PCDHGB6: variants seen among roughly 807,000 people sequenced by gnomAD.
PCDHGB6 encodes the protein protocadherin gamma-B6.
Under a neutral mutation model 59.1 loss-of-function variants are expected in PCDHGB6, and 51 were observed. The ratio of observed to expected loss-of-function variants is 0.86; its 90% CI spans 0.69 to 1.09. The LOEUF (loss-of-function observed/expected upper bound fraction) is 1.09. PCDHGB6 is among the 50% of genes least tolerant of loss of function. PCDHGB6 has a pLI of 0.00. For synonymous variants in PCDHGB6, 466 were observed against 495.1 expected (o/e 0.94, Z 0.78); for missense variants, 1,148 against 1,205.1 (o/e 0.95, Z 0.70).
At chr5:141,467,604 CT>C (rs2099147202) in intron 1 of PCDHGB6, among the ~76,000 whole-genome samples, 1 of 152,204 alleles carries the variant, frequency 6.6e-6, no homozygotes, top group Non-Finnish European at 1.5e-5. Context: ...AGCACTTCAT[CT>C]TTGTCCCAGT....
chr5:141,443,018 A>G (rs2098358800), intron 1 of PCDHGB6, among the ~76,000 whole-genome samples: 1 of 152,208 alleles, frequency 6.6e-6, no homozygotes, highest in Admixed American at 6.5e-5. Flanking sequence ...TGACTAATGG[A>G]AGTTGCCAGA....
At position 141,477,596 on chromosome 5, in the gene PCDHGB6, T is replaced by G. The variant is rs1364779381; in HGVS notation, c.2419-17211T>G. ...CGCCCCGCAGAATGCTCGGCTTTCTTTCTTTCTCTTGGAGCAAGGAGCTGA... is the reference window on the plus strand; with the variant it reads ...CGCCCCGCAGAATGCTCGGCTTTCTGTCTTTCTCTTGGAGCAAGGAGCTGA... On this transcript the variant is annotated intron_variant, in intron 1 of 3. Transcript: ENST00000520790. This position sits in a 1 kb window ranked among gnomAD's most constrained non-coding sequence, Gnocchi z 4.9. The G allele has an allele frequency of 6.2e-7, 1 of 1,614,184 alleles. No individual in the cohort carries two copies. The highest frequency in any genetic ancestry group is 1.1e-5 in the South Asian group (1 of 91,086).
rs369886570 is a variant in PCDHGB6 at position 141,487,839 on chromosome 5, G to A, written c.2419-6968G>A. ...GGGGGCGGGTCATGCCTATATCTGAGTAAGAAATGAAAGTAATTGGTGATC... is the reference window on the plus strand; with the variant it reads ...GGGGGCGGGTCATGCCTATATCTGAATAAGAAATGAAAGTAATTGGTGATC... On this transcript the variant is annotated intron_variant, in intron 1 of 3. Transcript: ENST00000520790. The surrounding 1 kb of genome is among the most constrained non-coding windows in gnomAD (Gnocchi z 5.0). The A allele has an allele frequency of 2.7e-6, 3 of 1,103,412 alleles. No homozygotes were observed. Among genetic ancestry groups the A allele is most frequent in the African/African-American group, 1.6e-5 (1 of 63,054 alleles). The allele number at this position is 1,103,412 out of a possible 1,614,324, so 68.4% of individuals were successfully genotyped here.
In PCDHGB6 at chr5:141,491,410, G is replaced by T. The variant is rs777207581; in HGVS notation, c.2419-3397G>T. On this transcript the variant is annotated intron_variant, in intron 1 of 3. Transcript: ENST00000520790. The surrounding 1 kb of genome is among the most constrained non-coding windows in gnomAD (Gnocchi z 6.9). ...GTGCCTTCAGGGAAACGCAGACGGG[G>T]ACGGGGGTGGAGGGCAGTGCTGCAG... 28 of 1,614,142 alleles carry T rather than the reference G, an allele frequency of 1.7e-5. No individual in the cohort carries two copies. The highest frequency in any genetic ancestry group is 2.4e-5 in the Non-Finnish European group (28 of 1,180,034).
At chr5:141,484,506 G>T (rs1442936814) in intron 1 of PCDHGB6, among the ~76,000 whole-genome samples, 1 of 152,186 alleles carries the variant, frequency 6.6e-6, no homozygotes, top group Non-Finnish European at 1.5e-5. Context: ...TGAATATTCT[G>T]CAGAAGGGCA....
intron 2 of PCDHGB6, among the ~76,000 whole-genome samples, chr5:141,499,182 C>T (rs980293990): frequency 5.3e-5 from 8 of 152,114 alleles, no homozygotes; most frequent in African/African-American, 1.7e-4. Flanking sequence ...GCCCAGCAAA[C>T]CATTTCCCCC....
chr5:141,486,408 C>T lies in PCDHGB6; in HGVS notation c.2419-8399C>T. On this transcript the variant is annotated intron_variant, in intron 1 of 3. Coordinates refer to ENST00000520790, the MANE Select transcript of PCDHGB6 (RefSeq NM_018926.3). This position sits in a 1 kb window ranked among gnomAD's most constrained non-coding sequence, Gnocchi z 5.0. ...CAGTTCTCCCTGGTGACTGCTGGAC[C>T]CTTGGATCGAGAGGCCAAATCTAGC... is the stretch of plus-strand genomic sequence containing the variant. The T allele has an allele frequency of 1.2e-6, 2 of 1,614,156 alleles. No individual in the cohort carries two copies. Among genetic ancestry groups the T allele is most frequent in the South Asian group, 2.2e-5 (2 of 91,084 alleles).
rs200519543 is a variant in PCDHGB6, at chr5:141,439,190, C to CAA, written c.2418+28584_2418+28585dup. 3.7e-3 allele frequency among the ~76,000 whole-genome samples: 409 copies of CAA among 111,790 alleles called. 4 individuals are homozygous for CAA. The highest frequency in any genetic ancestry group is 0.029 in the East Asian group (112 of 3,852). The allele number at this position is 111,790 out of a possible 152,430, so 73.3% of individuals were successfully genotyped here. A position where few individuals can be genotyped will look rare whatever the true frequency, so the allele number is the denominator to read the frequency against. On this transcript the variant is annotated intron_variant, in intron 1 of 3. Transcript: ENST00000520790. Reference sequence around the variant, plus strand: ...CCTGGGCGACATAGTGAGACTCTGACAAAAAAAAAAAAAAATCCATATGTG... The same window carrying CAA: ...CCTGGGCGACATAGTGAGACTCTGACAAAAAAAAAAAAAAAAATCCATATGTG...
In PCDHGB6 at chr5:141,477,229, C is replaced by G. The variant is rs1376731101; in HGVS notation, c.2419-17578C>G. The G allele has an allele frequency of 6.2e-7, 1 of 1,614,222 alleles. No homozygotes were observed. The highest frequency in any genetic ancestry group is 8.5e-7 in the Non-Finnish European group (1 of 1,180,052). On this transcript the variant is annotated intron_variant, in intron 1 of 3. Transcript: ENST00000520790. This position sits in a 1 kb window ranked among gnomAD's most constrained non-coding sequence, Gnocchi z 4.9. ...AGGATGCCCCTCTGGGGACTGTCAT[C>G]GCTTTGCTCAGTGTGACTGACCTGG...
At chr5:141,421,030 G>C (rs989158485) in intron 1 of PCDHGB6, 2 of 532,352 alleles carry the variant, frequency 3.8e-6, no homozygotes, top group African/African-American at 3.9e-5. Context: ...GCGCCATTGA[G>C]TCCCTCCCTC....
chr5:141,446,639 G>C (rs1461520959), intron 1 of PCDHGB6, among the ~76,000 whole-genome samples: 1 of 152,116 alleles, frequency 6.6e-6, no homozygotes, highest in Non-Finnish European at 1.5e-5. Context: ...ACCACGCCTG[G>C]CTAATTTTTG....
intron 1 of PCDHGB6, among the ~76,000 whole-genome samples, chr5:141,459,575 G>T (rs2098970751): frequency 1.3e-5 from 2 of 152,132 alleles, no homozygotes; most frequent in Admixed American, 6.5e-5. Context: ...AAACAGAATT[G>T]TTTTGGGGGT....
At position 141,511,199 on chromosome 5, in the gene PCDHGB6, G is replaced by C. The variant is rs1303066281; in HGVS notation, c.*26G>C. On this transcript the variant is annotated 3_prime_UTR_variant, in exon 4 of 4. Coordinates refer to ENST00000520790, the MANE Select transcript of PCDHGB6 (RefSeq NM_018926.3). The stretch of plus-strand genomic sequence containing the variant: ...CATGGAGGCCAGGCCAAGAGCCACA[G>C]GGCGGCCTCTCCCCAACCAGCCCAG... 6.2e-6 allele frequency: 10 copies of C among 1,612,868 alleles called. No individual in the cohort carries two copies. In the East Asian group the frequency reaches 2.2e-4, roughly 36 times the overall value.
rs2096175268 is a variant in PCDHGB6, at chr5:141,417,870, G to A, written c.2418+7250G>A. On this transcript the variant is annotated intron_variant, in intron 1 of 3. Transcript: ENST00000520790. ...GAACCCGAGCGAACGATGGGAGGGA[G>A]CTGCGCGCAGAGGCGCCGGGCCGGC... 3 of 1,553,910 alleles carry A rather than the reference G, an allele frequency of 1.9e-6. No homozygotes were observed. Among genetic ancestry groups the A allele is most frequent in the Admixed American group, 2.0e-5 (1 of 51,084 alleles).
intron 1 of PCDHGB6, among the ~76,000 whole-genome samples, chr5:141,472,102 T>C (rs1231168102): frequency 6.6e-6 from 1 of 152,240 alleles, no homozygotes; most frequent in Non-Finnish European, 1.5e-5. Flanking sequence ...ATTCCCATTT[T>C]ATACATAAAG....
At chr5:141,415,043 T>G in intron 1 of PCDHGB6, 2 of 1,613,396 alleles carry the variant, frequency 1.2e-6, no homozygotes, top group Non-Finnish European at 1.7e-6. Flanking sequence ...CTCTTCGCGG[T>G]GGGGGAGCAC....
chr5:141,485,993 A>C lies in PCDHGB6; in HGVS notation c.2419-8814A>C. 6.2e-7 allele frequency: 1 copy of C among 1,614,210 alleles called. No homozygotes were observed. Among genetic ancestry groups the C allele is most frequent in the Non-Finnish European group, 8.5e-7 (1 of 1,180,028 alleles). On this transcript the variant is annotated intron_variant, in intron 1 of 3. Coordinates refer to ENST00000520790, the MANE Select transcript of PCDHGB6 (RefSeq NM_018926.3). The surrounding 1 kb of genome is among the most constrained non-coding windows in gnomAD (Gnocchi z 5.7). ...TGCCTCAGACCCGGACCTGGGTCCC[A>C]GTGGTAACGTCACCTTTTATTTCAG...
intron 1 of PCDHGB6, chr5:141,427,536 G>T (rs758610182): frequency 1.6e-6 from 1 of 626,396 alleles, no homozygotes; most frequent in Non-Finnish European, 3.0e-6. Context: ...GGAGTACAAC[G>T]TCACCATCAC....
intron 1 of PCDHGB6, among the ~76,000 whole-genome samples, chr5:141,436,478 A>G (rs1360229764): frequency 2.0e-5 from 3 of 152,220 alleles, no homozygotes; most frequent in Non-Finnish European, 4.4e-5. Context: ...TGTATCATAG[A>G]AGGATAGCAG....
Sources: gnomAD v4.1 joint callset for allele counts (sites outside exome capture counted in the v4.1 genomes callset) on GRCh38, gnomAD v4.1.1 for gene constraint, Gnocchi (gnomAD v3.1) non-coding constraint, MANE v1.5 for transcripts, NCBI Gene and HGNC (gene_info 2026-07-23, HGNC 2026-07-21) for gene names.